Variants in PTPRT observed in about 807,000 individuals in gnomAD.
The protein encoded by PTPRT is protein tyrosine phosphatase receptor type T.
PTPRT carries 56 observed loss-of-function variants against 176.8 expected under a neutral mutation model. The observed-to-expected ratio is 0.32, with a 90% CI of 0.26 to 0.40. The LOEUF is 0.40. PTPRT is among the 10% of genes least tolerant of loss of function. The pLI is 1.00. For missense variants in PTPRT, 1,540 were observed against 1,908.2 expected (o/e 0.81, Z 3.60); for synonymous variants, 783 against 739.0 (o/e 1.06, Z -0.96).
chr20:42,303,423 C>CT (rs2057498840), intron 12 of PTPRT, among the ~76,000 whole-genome samples: 1 of 152,088 alleles, frequency 6.6e-6, no homozygotes, highest in Non-Finnish European at 1.5e-5. Flanking sequence ...GGATTTGGGA[C>CT]CCTCCTGGTT....
At chr20:42,791,062 G>C in intron 3 of PTPRT, 133 bp downstream of exon 3, 1 of 1,142,848 alleles carries the variant, frequency 8.8e-7, no homozygotes, top group Non-Finnish European at 1.2e-6. Context: ...TGCAGAGCTT[G>C]GCTAGGAGGA....
At chr20:42,260,870 A>T (rs548325238) in intron 13 of PTPRT, among the ~76,000 whole-genome samples, 1 of 152,318 alleles carries the variant, frequency 6.6e-6, no homozygotes, top group East Asian at 1.9e-4. Context: ...TGTAGAATAC[A>T]GTCAACAAGG....
downstream of PTPRT, among the ~76,000 whole-genome samples, chr20:42,068,292 G>T (rs1982163959): frequency 6.6e-6 from 1 of 152,194 alleles, no homozygotes; most frequent in South Asian, 2.1e-4. Flanking sequence ...ATCTGAAGAA[G>T]CATGCTTGGA....
chr20:42,580,336 G>A (rs370532110), intron 7 of PTPRT, among the ~76,000 whole-genome samples: 7 of 152,082 alleles, frequency 4.6e-5, no homozygotes, highest in South Asian at 4.2e-4. Context: ...GTCAGGTAGC[G>A]TGATGCCTCC....
chr20:42,373,383 G>T (rs1031789525), intron 9 of PTPRT, among the ~76,000 whole-genome samples: 1 of 152,150 alleles, frequency 6.6e-6, no homozygotes, highest in Admixed American at 6.5e-5. Flanking sequence ...TTATTTTCAG[G>T]CAGAAGCTTG....
intron 9 of PTPRT, among the ~76,000 whole-genome samples, chr20:42,396,704 G>A (rs972009867): frequency 6.6e-6 from 1 of 152,170 alleles, no homozygotes; most frequent in African/African-American, 2.4e-5. Flanking sequence ...TGGGATTACA[G>A]GCACCCAACA....
chr20:42,351,732 G>A (rs1373746766), intron 10 of PTPRT, among the ~76,000 whole-genome samples: 1 of 152,018 alleles, frequency 6.6e-6, no homozygotes, highest in East Asian at 1.9e-4. Context: ...GGTATTTCAT[G>A]AGAACCTGCG....
intron 9 of PTPRT, among the ~76,000 whole-genome samples, chr20:42,417,387 T>C (rs1020975301): frequency 2.6e-5 from 4 of 152,138 alleles, no homozygotes; most frequent in Non-Finnish European, 2.9e-5. Context: ...TTGTTCTTCA[T>C]GGAGATTCCT....
intron 1 of PTPRT, among the ~76,000 whole-genome samples, chr20:43,019,181 G>T (rs549327592): frequency 2.8e-4 from 43 of 152,290 alleles, no homozygotes; most frequent in African/African-American, 1.0e-3. Context: ...TCATTGTGAT[G>T]GTTGATTTGG....
At chr20:43,057,148 T>C (rs1356151099) in intron 1 of PTPRT, among the ~76,000 whole-genome samples, 4 of 142,958 alleles carry the variant, frequency 2.8e-5, no homozygotes, top group African/African-American at 1.0e-4. Flanking sequence ...TCTTAAACAG[T>C]AACACAGGAG....
At chr20:42,066,453 T>A in the PTPRT span, among the ~76,000 whole-genome samples, 1,427 of 151,796 alleles carry the variant, frequency 9.4e-3, 8 homozygotes, top group Non-Finnish European at 0.016. Flanking sequence ...TGTAGGGGTT[T>A]TTTTGGTGTG....
intron 3 of PTPRT, among the ~76,000 whole-genome samples, chr20:42,785,234 G>A (rs1397278881): frequency 2.0e-5 from 3 of 152,134 alleles, no homozygotes; most frequent in South Asian, 2.1e-4. Flanking sequence ...TCTCACCCCC[G>A]GCCTTGCCAA....
intron 15 of PTPRT, among the ~76,000 whole-genome samples, chr20:42,235,009 T>C (rs747518537): frequency 2.3e-4 from 35 of 152,198 alleles, no homozygotes; most frequent in Non-Finnish European, 4.3e-4. Flanking sequence ...GCAATACATT[T>C]TACCGGAAGC....
At chr20:42,628,171 G>T (rs2074331234) in intron 7 of PTPRT, among the ~76,000 whole-genome samples, 1 of 152,094 alleles carries the variant, frequency 6.6e-6, no homozygotes. Flanking sequence ...ACTTCCGTGG[G>T]GGATTTTAAT....
chr20:43,115,695 T>A (rs2013034969), intron 1 of PTPRT, among the ~76,000 whole-genome samples: 2 of 152,256 alleles, frequency 1.3e-5, no homozygotes, highest in South Asian at 4.2e-4. Flanking sequence ...CAATTACCAA[T>A]TTCAGCCAAG....
intron 1 of PTPRT, among the ~76,000 whole-genome samples, chr20:43,181,262 T>C (rs753483691): frequency 1.3e-5 from 2 of 152,226 alleles, no homozygotes; most frequent in Non-Finnish European, 2.9e-5. Context: ...ACGACCCAGC[T>C]ATGCCACACA....
At chr20:42,321,868 G>A (rs999901001) in intron 11 of PTPRT, among the ~76,000 whole-genome samples, 5 of 152,160 alleles carry the variant, frequency 3.3e-5, no homozygotes, top group African/African-American at 7.2e-5. Context: ...TGGATCATGA[G>A]GTCAGGAGAT....
chr20:42,675,565 G>A (rs1161877650), intron 7 of PTPRT, among the ~76,000 whole-genome samples: 1 of 152,128 alleles, frequency 6.6e-6, no homozygotes, highest in Non-Finnish European at 1.5e-5. Context: ...ATATGCTATC[G>A]ATAAGCAATC....
At chr20:42,981,872 G>A (rs889524575) in intron 1 of PTPRT, among the ~76,000 whole-genome samples, 1 of 152,082 alleles carries the variant, frequency 6.6e-6, no homozygotes, top group Non-Finnish European at 1.5e-5. Flanking sequence ...TTTGGGTGTT[G>A]GCTAGGAAGG....
Sources: allele counts gnomAD v4.1 joint callset (sites outside exome capture counted in the v4.1 genomes callset), GRCh38; gene constraint gnomAD v4.1.1; transcripts MANE v1.5; gene names NCBI Gene and HGNC (gene_info 2026-07-23, HGNC 2026-07-21).